The following SEM1 variants were observed in gnomAD, a reference collection of about 807,000 sequenced individuals.
SEM1 encodes the protein 26S proteasome complex subunit SEM1.
In SEM1, 3 loss-of-function variants were observed where a neutral mutation model predicts 12.7. The ratio of observed to expected loss-of-function variants is 0.24; its 90% confidence interval spans 0.11 to 0.61. SEM1 has a LOEUF of 0.61. Ranked by LOEUF, SEM1 falls within the 20% of genes least tolerant of loss-of-function variation. SEM1 has a pLI of 0.88. For missense variants in SEM1, 59 were observed against 81.3 expected (o/e 0.73, Z 1.06); for synonymous variants, 30 against 27.8 (o/e 1.08, Z -0.25).
At chr7:96,703,481 T>C (rs896333998) in intron 1 of SEM1, among the ~76,000 whole-genome samples, 4 of 152,164 alleles carry the variant, frequency 2.6e-5, no homozygotes, top group African/African-American at 9.7e-5. Context: ...TTATAAAAAA[T>C]GAGTCTGCCA....
intron 2 of SEM1, among the ~76,000 whole-genome samples, chr7:96,694,588 A>G (rs1349762148): frequency 1.3e-5 from 2 of 152,006 alleles, no homozygotes; most frequent in African/African-American, 4.8e-5. Context: ...CTTTGTAAAA[A>G]GACCAGAAAG....
intron 2 of SEM1, among the ~76,000 whole-genome samples, chr7:96,663,901 C>T (rs995754741): frequency 3.3e-5 from 5 of 152,142 alleles, no homozygotes; most frequent in Admixed American, 6.5e-5. Flanking sequence ...GTATATGAAA[C>T]GTTTCATCAG....
intron 2 of SEM1, among the ~76,000 whole-genome samples, chr7:96,561,296 G>T (rs1219463718): frequency 2.6e-5 from 4 of 152,126 alleles, no homozygotes; most frequent in Non-Finnish European, 2.9e-5. Context: ...TGGAAAAGGG[G>T]GTGAGGGTTG....
upstream of SEM1, among the ~76,000 whole-genome samples, chr7:96,501,278 A>G (rs1444008876): frequency 6.6e-6 from 1 of 152,150 alleles, no homozygotes; most frequent in Non-Finnish European, 1.5e-5. Flanking sequence ...CCACTTCTCT[A>G]TATGGAAATA....
chr7:96,690,830 G>A (rs551127498), intron 2 of SEM1, among the ~76,000 whole-genome samples: 3 of 152,120 alleles, frequency 2.0e-5, no homozygotes, highest in Non-Finnish European at 4.4e-5. Context: ...GAGTGCAGTG[G>A]TGCCATCTCG....
chr7:96,590,020 A>T (rs1246671820), intron 2 of SEM1, among the ~76,000 whole-genome samples: 1 of 152,218 alleles, frequency 6.6e-6, no homozygotes, highest in African/African-American at 2.4e-5. Flanking sequence ...AAAGGCATGA[A>T]ACCCCCATTC....
rs559376531 is a variant in SEM1 at position 96,632,509 on chromosome 7, C to T, written c.171-9866G>A. On this transcript the variant is annotated intron_variant, in intron 2 of 2. Transcript: ENST00000417009. ...ATAAGTGGGAGCTGAACAATGAGAA[C>T]GCATGGATACAGGGAGGGGAACATC... is the stretch of plus-strand genomic sequence containing the variant. 1.4e-3 allele frequency among the ~76,000 whole-genome samples: 213 copies of T among 152,060 alleles called. 1 individual carries two copies. Among genetic ancestry groups the T allele is most frequent in the African/African-American group, 4.9e-3 (203 of 41,466 alleles).
At chr7:96,540,366 C>T (rs957591491) in intron 2 of SEM1, among the ~76,000 whole-genome samples, 1 of 151,338 alleles carries the variant, frequency 6.6e-6, no homozygotes, top group Non-Finnish European at 1.5e-5. Flanking sequence ...TAAAATCAAA[C>T]AAATTAAAAT....
chr7:96,514,760 A>G (rs1016324256), intron 2 of SEM1, among the ~76,000 whole-genome samples: 2 of 152,052 alleles, frequency 1.3e-5, no homozygotes, highest in African/African-American at 4.8e-5. Flanking sequence ...GAAATAAAAA[A>G]GGTTTTATAA....
chr7:96,495,904 C>A (rs1803225118), intron 1 of SEM1, among the ~76,000 whole-genome samples: 1 of 152,076 alleles, frequency 6.6e-6, no homozygotes, highest in Non-Finnish European at 1.5e-5. Flanking sequence ...AGATCTATCT[C>A]TCCCCCTCCC....
chr7:96,549,965 A>T (rs1317871075), intron 2 of SEM1, among the ~76,000 whole-genome samples: 4 of 152,124 alleles, frequency 2.6e-5, no homozygotes, highest in African/African-American at 7.2e-5. Flanking sequence ...CACTTTTGCC[A>T]TGAAGTTACT....
chr7:96,525,179 C>T (rs992074859), intron 2 of SEM1, among the ~76,000 whole-genome samples: 12 of 152,052 alleles, frequency 7.9e-5, no homozygotes, highest in African/African-American at 2.7e-4. Flanking sequence ...ACCTTCTCTG[C>T]GTGCCAATCT....
At chr7:96,670,660 T>C (rs1789291583), downstream of SEM1, among the ~76,000 whole-genome samples, 1 of 152,202 alleles carries the variant, frequency 6.6e-6, no homozygotes, top group Non-Finnish European at 1.5e-5. Context: ...AGCATTCTTT[T>C]GGCAAACACA....
rs1268454696 is a variant in SEM1, at chr7:96,673,897, T to C, written c.171-38A>G. 4.0e-6 allele frequency: 3 copies of C among 759,436 alleles called. No individual in the cohort carries two copies. The Admixed American group carries it at 5.2e-5, about 13-fold the overall frequency. 47.0% of individuals were successfully genotyped at this position (759,436 alleles called of 1,614,324 possible). ...CTTTGTGTAAGCAAACTTTTAAGTA[T>C]CAAGCCACTGTGATCTGTGGGCTGC... On this transcript the variant is annotated intron_variant, in intron 2 of 2. Coordinates refer to the SEM1 transcript ENST00000413065.
chr7:96,539,045 G>C (rs779072358), intron 2 of SEM1, among the ~76,000 whole-genome samples: 17 of 151,686 alleles, frequency 1.1e-4, no homozygotes, highest in Non-Finnish European at 2.1e-4. Flanking sequence ...ACTTCCTTTT[G>C]TTTTCTTTGG....
At chr7:96,547,560 C>T (rs1355240173) in intron 2 of SEM1, among the ~76,000 whole-genome samples, 1 of 152,158 alleles carries the variant, frequency 6.6e-6, no homozygotes, top group Non-Finnish European at 1.5e-5. Flanking sequence ...GCCTGACTGG[C>T]AGCAGTTCCT....
chr7:96,648,226 C>G (rs954761475), intron 2 of SEM1, among the ~76,000 whole-genome samples: 5 of 152,118 alleles, frequency 3.3e-5, no homozygotes, highest in Admixed American at 2.0e-4. Flanking sequence ...AATATCATTT[C>G]AACTATCATA....
At chr7:96,691,718 T>A (rs1237566292) in intron 2 of SEM1, among the ~76,000 whole-genome samples, 1 of 152,232 alleles carries the variant, frequency 6.6e-6, no homozygotes, top group Non-Finnish European at 1.5e-5. Flanking sequence ...GCGAGGCTGT[T>A]TTATTCAATA....
At chr7:96,558,692 T>C (rs779125229) in intron 2 of SEM1, among the ~76,000 whole-genome samples, 2 of 152,198 alleles carry the variant, frequency 1.3e-5, no homozygotes, top group Non-Finnish European at 2.9e-5. Context: ...CAAGAAGGTC[T>C]TCGTAAACTG....
Sources: allele counts gnomAD v4.1 joint callset (sites outside exome capture counted in the v4.1 genomes callset), GRCh38; gene constraint gnomAD v4.1.1; transcripts MANE v1.5; gene names NCBI Gene and HGNC (gene_info 2026-07-23, HGNC 2026-07-21).